CLCN5: variants seen among roughly 807,000 people sequenced by gnomAD.
The protein encoded by CLCN5 is Cl-/H+ antiporter 5.
In CLCN5, 17 loss-of-function variants were observed where a neutral mutation model predicts 54.0. The observed-to-expected ratio is 0.31, with a 90% confidence interval of 0.22 to 0.47. The LOEUF (loss-of-function observed/expected upper bound fraction) is 0.47. Ranked by LOEUF, CLCN5 falls within the 20% of genes least tolerant of loss-of-function variation. The pLI is 1.00. For missense variants in CLCN5, 448 were observed against 646.7 expected (o/e 0.69, Z 3.33); for synonymous variants, 222 against 233.0 (o/e 0.95, Z 0.43).
intron 12 of CLCN5, 113 bp from the exon 13 acceptor site, chrX:50,090,003 G>A: frequency 1.3e-6 from 1 of 761,600 alleles, no homozygotes; most frequent in East Asian, 3.1e-5. Context: ...GGTCTGCACA[G>A]TTGTAGGTGA....
chrX:50,062,633 GAACTC>G (rs781877704), intron 4 of CLCN5, among the ~76,000 whole-genome samples: 1 of 92,448 alleles, frequency 1.1e-5, no homozygotes. Context: ...CCCAGGAACT[GAACTC>G]AGCTCTGCAC....
intron 3 of CLCN5, among the ~76,000 whole-genome samples, chrX:49,994,525 A>AGGAAGAG (rs782369592): frequency 0.073 from 8,147 of 111,329 alleles, 762 homozygotes; most frequent in African/African-American, 0.26. Flanking sequence ...AAAAGAAGAA[A>AGGAAGAG]TTGAGGAGAG....
intron 3 of CLCN5, chrX:50,003,087 T>A (rs1929955200): frequency 2.9e-6 from 1 of 344,557 alleles, no homozygotes; most frequent in Admixed American, 2.7e-5. Context: ...TGGGGCACAG[T>A]CATAGAAGTC....
chrX:50,086,947 A>T (rs73492022), intron 11 of CLCN5, 77 bp downstream of exon 11: 1 of 936,152 alleles, frequency 1.1e-6, no homozygotes, highest in Non-Finnish European at 1.5e-6. Context: ...GTATCATACA[A>T]TCCTGATAGC....
At chrX:50,046,099 T>C (rs1932384298) in intron 4 of CLCN5, among the ~76,000 whole-genome samples, 1 of 112,251 alleles carries the variant, frequency 8.9e-6, no homozygotes. Flanking sequence ...GGTAGTGTTA[T>C]AGTAGTTTGT....
intron 3 of CLCN5, among the ~76,000 whole-genome samples, chrX:49,970,374 TC>T (rs1444152524): frequency 1.8e-5 from 2 of 111,245 alleles, no homozygotes; most frequent in Non-Finnish European, 3.8e-5. Flanking sequence ...TAAAAACATT[TC>T]TATCACCTCG....
At chrX:49,951,760 G>A (rs1322403511) in intron 3 of CLCN5, among the ~76,000 whole-genome samples, 3 of 111,997 alleles carry the variant, frequency 2.7e-5, no homozygotes, top group African/African-American at 9.7e-5. Flanking sequence ...AGAACTAGGT[G>A]ACAGGTCACT....
rs147671789 is a variant in CLCN5 at position 50,039,986 on chromosome X, C to G, written c.17-2330C>G. On this transcript the variant is annotated intron_variant, in intron 3 of 14. Coordinates refer to ENST00000376091, the MANE Select transcript of CLCN5 (RefSeq NM_001127898.4). Reference sequence around the variant, plus strand: ...GGGATTACAGGTGTGATCCACCATGCCCGGCTGATTTTCTTTTTTCTTAAA... The same window carrying G: ...GGGATTACAGGTGTGATCCACCATGGCCGGCTGATTTTCTTTTTTCTTAAA... Among the ~76,000 whole-genome samples the G allele has an allele frequency of 7.1e-3, 797 of 112,141 alleles. 3 individuals are homozygous for G. Among genetic ancestry groups the G allele is most frequent in the African/African-American group, 0.024 (753 of 30,849 alleles).
intron 6 of CLCN5, among the ~76,000 whole-genome samples, chrX:50,075,588 G>A (rs1390665760): frequency 9.0e-6 from 1 of 111,076 alleles, no homozygotes; most frequent in Non-Finnish European, 1.9e-5. Context: ...TTCCACAGAT[G>A]GCAGTGTTTA....
At chrX:49,950,689 T>G (rs1259878051) in intron 3 of CLCN5, among the ~76,000 whole-genome samples, 1 of 111,044 alleles carries the variant, frequency 9.0e-6, no homozygotes, top group Non-Finnish European at 1.9e-5. Flanking sequence ...GTTAAAATGA[T>G]AATATTTTGC....
At chrX:50,031,894 A>G (rs1931719528) in intron 3 of CLCN5, among the ~76,000 whole-genome samples, 1 of 68,489 alleles carries the variant, frequency 1.5e-5, no homozygotes, top group South Asian at 1.0e-3. Flanking sequence ...AACAGTCCCC[A>G]GAGTGTGATG....
At chrX:50,067,668 C>CT in intron 4 of CLCN5, 13 of 753,656 alleles carry the variant, frequency 1.7e-5, no homozygotes, top group Non-Finnish European at 2.0e-5. Flanking sequence ...ACTGGGGCTT[C>CT]TTTTGTAAAA....
chrX:50,080,340 C>T (rs1389827202), intron 7 of CLCN5, among the ~76,000 whole-genome samples: 1 of 111,772 alleles, frequency 8.9e-6, no homozygotes, highest in Non-Finnish European at 1.9e-5. Flanking sequence ...TTTCCGTTTG[C>T]TCTTTTCCTT....
intron 3 of CLCN5, among the ~76,000 whole-genome samples, chrX:49,980,952 T>C (rs1426759105): frequency 8.9e-6 from 1 of 111,949 alleles, no homozygotes; most frequent in Admixed American, 9.5e-5. Flanking sequence ...TACTTCTATC[T>C]ATATTGCTTT....
chrX:50,013,246 C>T lies in CLCN5; in HGVS notation c.17-29070C>T, dbSNP rs781931231. On this transcript the variant is annotated intron_variant, in intron 3 of 14. Transcript: ENST00000376091. ...CCCATGTGCAGAAGAATGAACTGCT[C>T]CTTCTCCCATACCCATTGCATATCG... The T allele has an allele frequency of 2.0e-5, 6 of 306,677 alleles. No homozygotes were observed. The Admixed American group carries it at 2.0e-4, about 10-fold the overall frequency. The allele number at this position is 306,677 out of a possible 1,213,427, so 25.3% of individuals were successfully genotyped here.
At chrX:50,012,248 G>T (rs1394852422) in intron 3 of CLCN5, among the ~76,000 whole-genome samples, 1 of 111,691 alleles carries the variant, frequency 9.0e-6, no homozygotes, top group Non-Finnish European at 1.9e-5. Flanking sequence ...ACACAGAGCT[G>T]CAGCCACAGT....
At chrX:49,996,253 C>T (rs942063213) in intron 3 of CLCN5, among the ~76,000 whole-genome samples, 4 of 111,898 alleles carry the variant, frequency 3.6e-5, no homozygotes, top group African/African-American at 1.3e-4. Context: ...CCAGTTTCTG[C>T]TCTTGAAATC....
chrX:50,090,759 C>G lies in CLCN5; in HGVS notation c.2233C>G (p.Pro745Ala). ...TCCTCCATTGCCACCATACACTCCA[C>G]CCACTCTAAAGCTTCGGAACATCCT... The part of the protein sequence containing the change: ...HSPPLPPYTP[P>A]TLKLRNILDL... Residue 745 changes from proline (P) to alanine (A), a missense_variant, in exon 14 of 15, where the codon CCC (proline) becomes GCC (alanine). Around this residue, in one of 5 missense-constraint regions of CLCN5, gnomAD observed 297 missense variants for 470.4 expected, o/e 0.63. Transcript: ENST00000376091. 1 of 1,210,936 alleles carries G rather than the reference C, an allele frequency of 8.3e-7. No homozygotes were observed. Among genetic ancestry groups the G allele is most frequent in the Non-Finnish European group, 1.1e-6 (1 of 894,732 alleles).
chrX:49,957,960 G>A (rs181032008), intron 3 of CLCN5, among the ~76,000 whole-genome samples: 124 of 109,982 alleles, frequency 1.1e-3, no homozygotes, highest in African/African-American at 3.9e-3. Context: ...TGGAGAGGGA[G>A]AGAGAAAGGG....
Sources: allele counts gnomAD v4.1 joint callset (sites outside exome capture counted in the v4.1 genomes callset), GRCh38; gene constraint gnomAD v4.1.1; regional missense constraint gnomAD v4.1.1; transcripts MANE v1.5; gene names NCBI Gene and HGNC (gene_info 2026-07-23, HGNC 2026-07-21).